The following HS3ST3A1 variants were observed in gnomAD, a reference collection of about 807,000 sequenced individuals.
The protein encoded by HS3ST3A1 is heparan sulfate glucosamine 3-O-sulfotransferase 3A1.
Under a neutral mutation model 25.7 loss-of-function variants are expected in HS3ST3A1, and 19 were observed. The ratio of observed to expected loss-of-function variants is 0.74; its 90% CI spans 0.52 to 1.08. The LOEUF (loss-of-function observed/expected upper bound fraction) is 1.08, where lower values mean the gene tolerates loss of function less well. Among genes scored for constraint, HS3ST3A1 ranks in the 50% least tolerant of loss-of-function variants. The probability of loss-of-function intolerance (pLI) is 0.00; values close to 1 mark genes in which losing one functional copy is unlikely to be tolerated. For synonymous variants in HS3ST3A1, 226 were observed against 278.6 expected (o/e 0.81, Z 1.88); for missense variants, 459 against 594.3 (o/e 0.77, Z 2.37).
At chr17:13,511,207 C>T (rs1838203436) in intron 1 of HS3ST3A1, among the ~76,000 whole-genome samples, 1 of 152,158 alleles carries the variant, frequency 6.6e-6, no homozygotes, top group Non-Finnish European at 1.5e-5. Flanking sequence ...ACCGTCACTC[C>T]AGCATCAGCA....
intron 1 of HS3ST3A1, among the ~76,000 whole-genome samples, chr17:13,571,334 T>G (rs371051736): frequency 6.6e-6 from 1 of 152,370 alleles, no homozygotes; most frequent in South Asian, 2.1e-4. Context: ...TAATTGGATC[T>G]ATAAATTATG....
rs1905251688 is a variant in HS3ST3A1 at position 13,495,957 on chromosome 17, A to G, written c.*240T>C. On this transcript the variant is annotated 3_prime_UTR_variant, in exon 2 of 2. Coordinates refer to ENST00000284110, the MANE Select transcript of HS3ST3A1 (RefSeq NM_006042.3). Reference sequence around the variant, plus strand: ...TACTTTATGACTGGGTATATAGAACATAAAATAAAAACTGAAAATTGAAAG... The same window carrying G: ...TACTTTATGACTGGGTATATAGAACGTAAAATAAAAACTGAAAATTGAAAG... 4.4e-6 allele frequency: 2 copies of G among 453,378 alleles called. 1 individual carries two copies. The highest frequency in any genetic ancestry group is 8.0e-5 in the Admixed American group (2 of 25,138). 28.1% of individuals were successfully genotyped at this position (453,378 alleles called of 1,614,324 possible).
At chr17:13,566,060 G>T (rs1297724102) in intron 1 of HS3ST3A1, among the ~76,000 whole-genome samples, 3 of 152,146 alleles carry the variant, frequency 2.0e-5, no homozygotes, top group Non-Finnish European at 4.4e-5. Flanking sequence ...GCCTTATTGA[G>T]CTCTGGTTTA....
At chr17:13,530,028 A>ACACC (rs1555538601) in intron 1 of HS3ST3A1, among the ~76,000 whole-genome samples, 13 of 151,738 alleles carry the variant, frequency 8.6e-5, no homozygotes, top group Admixed American at 8.5e-4. Flanking sequence ...ACACACACAC[A>ACACC]CACATACACA....
At chr17:13,564,829 T>C (rs1246711349) in intron 1 of HS3ST3A1, among the ~76,000 whole-genome samples, 1 of 151,424 alleles carries the variant, frequency 6.6e-6, no homozygotes, top group Non-Finnish European at 1.5e-5. Flanking sequence ...GTTCAAATGA[T>C]TCTTATGCCT....
intron 1 of HS3ST3A1, among the ~76,000 whole-genome samples, chr17:13,551,489 C>T (rs960375718): frequency 6.6e-6 from 1 of 151,878 alleles, no homozygotes; most frequent in Non-Finnish European, 1.5e-5. Context: ...GATAAACAGT[C>T]CCACCACTGT....
At position 13,496,097 on chromosome 17, in the gene HS3ST3A1, G is replaced by T; in HGVS notation, c.*100C>A. On this transcript the variant is annotated 3_prime_UTR_variant, in exon 2 of 2. Coordinates refer to ENST00000284110, the MANE Select transcript of HS3ST3A1 (RefSeq NM_006042.3). Reference sequence around the variant, plus strand: ...CTTAACATTCATTGAAAAAAATACTGAAACATATTTTCAGCACAAATATTA... The same window carrying T: ...CTTAACATTCATTGAAAAAAATACTTAAACATATTTTCAGCACAAATATTA... 1 of 1,327,886 alleles carries T rather than the reference G, an allele frequency of 7.5e-7. No homozygotes were observed. The highest frequency in any genetic ancestry group is 1.0e-6 in the Non-Finnish European group (1 of 1,002,016). The allele number at this position is 1,327,886 out of a possible 1,614,324, so 82.3% of individuals were successfully genotyped here.
At chr17:13,570,118 T>C (rs1201077539) in intron 1 of HS3ST3A1, among the ~76,000 whole-genome samples, 1 of 152,204 alleles carries the variant, frequency 6.6e-6, no homozygotes. Context: ...GAATTATTGA[T>C]ATATGAATAT....
intron 1 of HS3ST3A1, among the ~76,000 whole-genome samples, chr17:13,508,753 A>C (rs1480324594): frequency 6.6e-6 from 1 of 152,214 alleles, no homozygotes; most frequent in African/African-American, 2.4e-5. Context: ...AATAATATCC[A>C]AAGAAATAAC....
At chr17:13,553,819 T>C (rs1907303000) in intron 1 of HS3ST3A1, among the ~76,000 whole-genome samples, 2 of 152,196 alleles carry the variant, frequency 1.3e-5, no homozygotes, top group South Asian at 4.1e-4. Flanking sequence ...TTCTCCCCTC[T>C]CAGGTACTTC....
chr17:13,540,491 A>T (rs1341993490), intron 1 of HS3ST3A1, among the ~76,000 whole-genome samples: 1 of 152,232 alleles, frequency 6.6e-6, no homozygotes, highest in African/African-American at 2.4e-5. Flanking sequence ...CTAAAAATGC[A>T]TGCTCAATTG....
intron 1 of HS3ST3A1, among the ~76,000 whole-genome samples, chr17:13,503,658 T>G (rs1331818612): frequency 6.6e-6 from 1 of 152,084 alleles, no homozygotes; most frequent in East Asian, 1.9e-4. Flanking sequence ...AAAATGTAAA[T>G]TAAAACACAA....
At chr17:13,535,625 A>C (rs1488512303) in intron 1 of HS3ST3A1, among the ~76,000 whole-genome samples, 1 of 151,962 alleles carries the variant, frequency 6.6e-6, no homozygotes, top group Non-Finnish European at 1.5e-5. Context: ...ATCTGTGAAT[A>C]GTGAGGATCA....
chr17:13,504,194 C>A (rs1346370826), intron 1 of HS3ST3A1, among the ~76,000 whole-genome samples: 2 of 151,980 alleles, frequency 1.3e-5, no homozygotes, highest in Non-Finnish European at 2.9e-5. Context: ...GCACCTGTTA[C>A]AAGTCCCAGC....
intron 1 of HS3ST3A1, among the ~76,000 whole-genome samples, chr17:13,510,556 C>T (rs1206443140): frequency 5.3e-5 from 8 of 152,170 alleles, no homozygotes; most frequent in South Asian, 2.1e-4. Context: ...TCTGGACACA[C>T]GGTAGGTGCT....
At position 13,600,870 on chromosome 17, in the gene HS3ST3A1, C is replaced by T; in HGVS notation, c.260G>A (p.Arg87Lys). 1 of 1,460,126 alleles carries T rather than the reference C, an allele frequency of 6.8e-7. No homozygotes were observed. The highest frequency in any genetic ancestry group is 9.0e-7 in the Non-Finnish European group (1 of 1,114,978). The allele number at this position is 1,460,126 out of a possible 1,614,324, so 90.4% of individuals were successfully genotyped here. ...CTGCGGCAGTTGCAGGAGGCGCTTT[C>T]TCTGTGCCGCCGCCGGCCACACCGC... ...ELAVWPAAAQ[R>K]KRLLQLPQWR... is the part of the protein sequence containing the mutation. Residue 87 changes from arginine (R) to lysine (K), a missense_variant, in exon 1 of 2, where the codon AGA becomes AAA. Around this residue, in one of 3 missense-constraint regions of HS3ST3A1, gnomAD observed 346 missense variants for 303.9 expected, o/e 1.14. Transcript: ENST00000284110.
chr17:13,511,031 C>T (rs772906906), intron 1 of HS3ST3A1, among the ~76,000 whole-genome samples: 5 of 152,174 alleles, frequency 3.3e-5, no homozygotes, highest in African/African-American at 2.4e-5. Context: ...AAAGCCATCC[C>T]GGAGTTGGCA....
chr17:13,515,061 A>G (rs539592341), intron 1 of HS3ST3A1, among the ~76,000 whole-genome samples: 11 of 152,356 alleles, frequency 7.2e-5, no homozygotes, highest in African/African-American at 2.6e-4. Flanking sequence ...GATTTAATTA[A>G]AATATTGTAT....
At chr17:13,503,652 T>C (rs1057186644) in intron 1 of HS3ST3A1, among the ~76,000 whole-genome samples, 1 of 152,030 alleles carries the variant, frequency 6.6e-6, no homozygotes, top group African/African-American at 2.4e-5. Flanking sequence ...ATCAGGAAAA[T>C]GTAAATTAAA....
Sources: gnomAD v4.1 joint callset for allele counts (sites outside exome capture counted in the v4.1 genomes callset) on GRCh38, gnomAD v4.1.1 for gene constraint, gnomAD v4.1.1 regional missense constraint, MANE v1.5 for transcripts, NCBI Gene and HGNC (gene_info 2026-07-23, HGNC 2026-07-21) for gene names.